Variants in LMF1 observed in about 807,000 individuals in gnomAD.
The protein encoded by LMF1 is transmembrane protein 112.
In LMF1, 68 loss-of-function variants were observed where a neutral mutation model predicts 60.6. The observed-to-expected ratio is 1.12, with a 90% confidence interval of 0.92 to 1.37. LMF1 has a LOEUF of 1.37. Among genes scored for constraint, LMF1 ranks in the 40% most tolerant of loss-of-function variants. The probability of loss-of-function intolerance (pLI) is 0.00; values close to 1 mark genes in which losing one functional copy is unlikely to be tolerated. For synonymous variants in LMF1, 418 were observed against 324.7 expected, an observed-to-expected ratio of 1.29 and a Z score of -3.09; for missense variants, 948 against 767.2, an observed-to-expected ratio of 1.24 and a Z score of -2.78.
exon 1 of LMF1, chr16:981,175 G>C: frequency 4.4e-6 from 2 of 454,508 alleles, no homozygotes; most frequent in Admixed American, 4.7e-5. Flanking sequence ...GACTCTGGAC[G>C]AGCTGGGCCT....
At chr16:977,952 ACACCACACACCATACACACACCC>A (rs2073204150) in intron 1 of LMF1, among the ~76,000 whole-genome samples, 2 of 116,450 alleles carry the variant, frequency 1.7e-5, no homozygotes, top group Non-Finnish European at 3.4e-5. Context: ...ACACGCACAC[ACACCACACACCATACACACACCC>A]CACCACACAC....
chr16:948,700 A>AGTC, intron 2 of LMF1, among the ~76,000 whole-genome samples: 1 of 148,318 alleles, frequency 6.7e-6, no homozygotes, highest in Admixed American at 6.7e-5. Context: ...CCAACGACAG[A>AGTC]ATCAGAGACA....
chr16:894,923 C>T (rs1015058055), intron 4 of LMF1, among the ~76,000 whole-genome samples: 13 of 152,098 alleles, frequency 8.5e-5, no homozygotes, highest in African/African-American at 2.4e-4. Flanking sequence ...AGCCTCGGCC[C>T]GGACAGAGCT....
chr16:871,379 C>T (rs77457568), intron 6 of LMF1, 38 bp from the exon 7 acceptor site: 45 of 1,594,796 alleles, frequency 2.8e-5, no homozygotes, highest in East Asian at 4.5e-5. Flanking sequence ...TGCAGGGGCT[C>T]GTGTGGGGCC....
chr16:926,647 A>T (rs1405612723), intron 3 of LMF1, among the ~76,000 whole-genome samples: 3 of 152,238 alleles, frequency 2.0e-5, no homozygotes, highest in Non-Finnish European at 2.9e-5. Flanking sequence ...CCTAAAAACA[A>T]GCGCCACCAA....
upstream of LMF1, among the ~76,000 whole-genome samples, chr16:972,710 G>T (rs2073073967): frequency 6.6e-6 from 1 of 152,206 alleles, no homozygotes; most frequent in South Asian, 2.1e-4. Context: ...CCCCTCGCTG[G>T]GCCGAGCTGC....
At chr16:973,438 A>C (rs914838449), upstream of LMF1, among the ~76,000 whole-genome samples, 1 of 152,252 alleles carries the variant, frequency 6.6e-6, no homozygotes, top group African/African-American at 2.4e-5. Context: ...GGGACAGGAC[A>C]GACGCGGAGG....
At chr16:945,690 T>C (rs117716954) in intron 2 of LMF1, among the ~76,000 whole-genome samples, 4,644 of 152,296 alleles carry the variant, frequency 0.03, 102 homozygotes, top group Non-Finnish European at 0.046. Flanking sequence ...GGGAATCTAT[T>C]TGGAGAAGTA....
At chr16:861,007 T>C (rs2069446573) in intron 10 of LMF1, among the ~76,000 whole-genome samples, 1 of 145,652 alleles carries the variant, frequency 6.9e-6, no homozygotes, top group African/African-American at 2.8e-5. Flanking sequence ...TATTAACACA[T>C]CTTGCTGGGT....
chr16:883,861 A>T (rs2151719546), intron 5 of LMF1: 1 of 152,328 alleles, frequency 6.6e-6, no homozygotes, highest in East Asian at 1.9e-4. Flanking sequence ...AAATAATCAA[A>T]TTGTCACAAA....
intron 2 of LMF1, among the ~76,000 whole-genome samples, chr16:939,440 G>A (rs1477069814): frequency 3.9e-5 from 6 of 152,238 alleles, no homozygotes; most frequent in Admixed American, 3.3e-4. Flanking sequence ...AACAACCAAC[G>A]TGCCGGCCGG....
chr16:981,259 C>A (rs1487740993), exon 1 of LMF1: 2 of 446,350 alleles, frequency 4.5e-6, no homozygotes, highest in Non-Finnish European at 8.9e-6. Context: ...GGCCTGCGGG[C>A]GAGACCTCAG....
At chr16:908,343 T>A (rs1443484941) in intron 4 of LMF1, among the ~76,000 whole-genome samples, 1 of 152,092 alleles carries the variant, frequency 6.6e-6, no homozygotes, top group Non-Finnish European at 1.5e-5. Flanking sequence ...GGATGCCGGG[T>A]TGCAGCTATG....
At chr16:932,173 T>C (rs965014289) in intron 3 of LMF1, among the ~76,000 whole-genome samples, 1 of 151,600 alleles carries the variant, frequency 6.6e-6, no homozygotes, top group Non-Finnish European at 1.5e-5. Flanking sequence ...CCCAGGCACT[T>C]CCCCCCCACC....
At chr16:932,895 G>A (rs933956111) in intron 3 of LMF1, among the ~76,000 whole-genome samples, 3 of 151,166 alleles carry the variant, frequency 2.0e-5, no homozygotes, top group African/African-American at 4.9e-5. Context: ...GCTCCCACAC[G>A]CGTGAGCACT....
intron 1 of LMF1, among the ~76,000 whole-genome samples, chr16:978,098 GAC>G (rs746667416): frequency 3.9e-5 from 1 of 25,716 alleles, no homozygotes; most frequent in Non-Finnish European, 6.1e-5. Flanking sequence ...AACACACACG[GAC>G]ACACACACAC....
At chr16:893,182 G>T (rs894605875) in intron 4 of LMF1, 110 bp from the exon 5 acceptor site, 8 of 925,508 alleles carry the variant, frequency 8.6e-6, no homozygotes, top group Middle Eastern at 2.1e-4. Context: ...CCGTGGATCT[G>T]GGCTGCAGGC....
intron 4 of LMF1, chr16:901,073 T>C (rs755273141): frequency 4.1e-5 from 6 of 148,028 alleles, no homozygotes; most frequent in Non-Finnish European, 8.9e-5. Flanking sequence ...AGGTAGGGAG[T>C]CGGGGGAGGG....
At chr16:951,727 T>C (rs758152547) in intron 2 of LMF1, among the ~76,000 whole-genome samples, 1 of 152,198 alleles carries the variant, frequency 6.6e-6, no homozygotes, top group African/African-American at 2.4e-5. Flanking sequence ...TCATGACTCC[T>C]GCAGACCCCC....
Sources: gnomAD v4.1 joint callset for allele counts (sites outside exome capture counted in the v4.1 genomes callset) on GRCh38, gnomAD v4.1.1 for gene constraint, MANE v1.5 for transcripts, NCBI Gene and HGNC (gene_info 2026-07-23, HGNC 2026-07-21) for gene names.